CACNG2: variants seen among roughly 807,000 people sequenced by gnomAD.
CACNG2 encodes voltage-dependent calcium channel gamma-2 subunit.
Under a neutral mutation model 25.9 loss-of-function variants are expected in CACNG2, and 3 were observed. That is an observed-to-expected ratio of 0.12 (90% CI 0.05 to 0.30). The LOEUF (loss-of-function observed/expected upper bound fraction) is 0.30. CACNG2 is among the 10% of genes least tolerant of loss of function. The probability of loss-of-function intolerance (pLI) is 1.00; values close to 1 mark genes in which losing one functional copy is unlikely to be tolerated. For missense variants in CACNG2, 341 were observed against 432.5 expected (o/e 0.79, Z 1.88); for synonymous variants, 167 against 173.3 (o/e 0.96, Z 0.29).
At chr22:36,657,076 T>C (rs1936718151) in intron 1 of CACNG2, among the ~76,000 whole-genome samples, 1 of 152,208 alleles carries the variant, frequency 6.6e-6, no homozygotes, top group South Asian at 2.1e-4. Context: ...GTGGAATAAA[T>C]GCAGACAGCT....
intron 2 of CACNG2, among the ~76,000 whole-genome samples, chr22:36,569,873 T>A (rs528012729): frequency 4.0e-4 from 61 of 152,222 alleles, no homozygotes; most frequent in Non-Finnish European, 7.6e-4. Context: ...GCCCTTTCCA[T>A]GTGGACATGG....
chr22:36,643,622 G>C (rs1936477157), intron 1 of CACNG2, among the ~76,000 whole-genome samples: 1 of 152,118 alleles, frequency 6.6e-6, no homozygotes, highest in Non-Finnish European at 1.5e-5. Context: ...GACTGGAGGA[G>C]AAGTAAAGAA....
At chr22:36,676,041 C>A (rs1201946924) in intron 1 of CACNG2, among the ~76,000 whole-genome samples, 2 of 152,130 alleles carry the variant, frequency 1.3e-5, no homozygotes, top group Non-Finnish European at 2.9e-5. Flanking sequence ...GATGTTTATA[C>A]CGGTCACACC....
intron 1 of CACNG2, among the ~76,000 whole-genome samples, chr22:36,687,741 C>T (rs1937219997): frequency 6.6e-6 from 1 of 152,134 alleles, no homozygotes; most frequent in South Asian, 2.1e-4. Flanking sequence ...ACGTGGTAAT[C>T]CCCAGGGCCC....
chr22:36,571,942 A>T (rs1935236886), intron 2 of CACNG2, among the ~76,000 whole-genome samples: 1 of 152,160 alleles, frequency 6.6e-6, no homozygotes, highest in Non-Finnish European at 1.5e-5. Context: ...TCACACTAGA[A>T]GTTGCACAGT....
At chr22:36,701,143 C>A (rs897256107) in intron 1 of CACNG2, among the ~76,000 whole-genome samples, 2 of 152,136 alleles carry the variant, frequency 1.3e-5, no homozygotes, top group Admixed American at 6.6e-5. Context: ...CCTTGCTTCC[C>A]GACGCTGCCT....
At chr22:36,581,134 C>T (rs1282747983) in intron 2 of CACNG2, among the ~76,000 whole-genome samples, 1 of 152,206 alleles carries the variant, frequency 6.6e-6, no homozygotes, top group Non-Finnish European at 1.5e-5. Flanking sequence ...ACAGCAGACA[C>T]ATTCGATGGG....
At chr22:36,663,350 A>C (rs942674131) in intron 1 of CACNG2, among the ~76,000 whole-genome samples, 1 of 152,150 alleles carries the variant, frequency 6.6e-6, no homozygotes, top group African/African-American at 2.4e-5. Flanking sequence ...GGGTACTTCG[A>C]GGAAAGGGCC....
chr22:36,608,839 C>T (rs1935881552), intron 1 of CACNG2, among the ~76,000 whole-genome samples: 1 of 152,100 alleles, frequency 6.6e-6, no homozygotes, highest in South Asian at 2.1e-4. Context: ...AGTTAATCTA[C>T]ATGTGAGCTC....
intron 1 of CACNG2, among the ~76,000 whole-genome samples, chr22:36,665,563 C>T (rs1300349526): frequency 2.6e-5 from 4 of 152,188 alleles, no homozygotes; most frequent in Non-Finnish European, 4.4e-5. Flanking sequence ...CTTGAACAGA[C>T]ATTTTTCCAA....
chr22:36,620,747 C>T (rs1260565673), intron 1 of CACNG2, among the ~76,000 whole-genome samples: 1 of 152,204 alleles, frequency 6.6e-6, no homozygotes, highest in Admixed American at 6.5e-5. Flanking sequence ...CGGGGCCTTG[C>T]GTCAGAGCAT....
At chr22:36,603,681 T>A (rs1935788608) in intron 1 of CACNG2, among the ~76,000 whole-genome samples, 1 of 152,214 alleles carries the variant, frequency 6.6e-6, no homozygotes, top group Non-Finnish European at 1.5e-5. Context: ...ACTCTACCTG[T>A]GCTCTATAAA....
chr22:36,592,775 C>T (rs1033955533), intron 1 of CACNG2, among the ~76,000 whole-genome samples: 2 of 152,176 alleles, frequency 1.3e-5, no homozygotes, highest in African/African-American at 4.8e-5. Context: ...GAGTAAGGGT[C>T]ATTCCACCTC....
intron 1 of CACNG2, among the ~76,000 whole-genome samples, chr22:36,646,081 A>G (rs1424440099): frequency 1.3e-5 from 2 of 152,250 alleles, no homozygotes; most frequent in African/African-American, 4.8e-5. Flanking sequence ...CCCAAAAGCT[A>G]TAGAAAATAT....
intron 1 of CACNG2, among the ~76,000 whole-genome samples, chr22:36,688,277 C>T (rs2146011097): frequency 6.6e-6 from 1 of 152,188 alleles, no homozygotes; most frequent in Admixed American, 6.5e-5. Flanking sequence ...GGTGCAGTGG[C>T]TCACGCCCTG....
chr22:36,592,936 G>A (rs1254208475), intron 1 of CACNG2, among the ~76,000 whole-genome samples: 1 of 152,216 alleles, frequency 6.6e-6, no homozygotes, highest in East Asian at 1.9e-4. Flanking sequence ...GGGCAGTGGT[G>A]TGCGCCCAGC....
At chr22:36,623,011 G>GT (rs1569032646) in intron 1 of CACNG2, among the ~76,000 whole-genome samples, 1 of 93,224 alleles carries the variant, frequency 1.1e-5, no homozygotes, top group African/African-American at 4.4e-5. Flanking sequence ...TCAAAACATG[G>GT]GTTTTTTTTT....
At chr22:36,693,144 TA>T (rs903994277) in intron 1 of CACNG2, among the ~76,000 whole-genome samples, 31 of 151,686 alleles carry the variant, frequency 2.0e-4, no homozygotes, top group African/African-American at 7.3e-4. Context: ...AGACTCTGTC[TA>T]AAAAAAAGAA....
Position 36,564,860 on chromosome 22 carries a change from C to G in CACNG2, c.463G>C (p.Val155Leu). 1.9e-6 allele frequency: 3 copies of G among 1,613,736 alleles called. No homozygotes were observed. The highest frequency in any genetic ancestry group is 2.5e-6 in the Non-Finnish European group (3 of 1,180,012). The change falls in exon 4 of 4, where the codon GTG becomes CTG. Residue 155 changes from valine (V) to leucine (L), a missense_variant. Physicochemically the swap from Val to Leu is conservative, Grantham distance 32. Coordinates refer to ENST00000300105, the MANE Select transcript of CACNG2 (RefSeq NM_006078.5). This position sits in a 1 kb window ranked among gnomAD's most constrained non-coding sequence, Gnocchi z 6.7. Reference sequence around the variant, plus strand: ...TCTCCGGCATTGGCAGATATGTACACTATGATGCCAATGATGTTACTCAGA... The same window carrying G: ...TCTCCGGCATTGGCAGATATGTACAGTATGATGCCAATGATGTTACTCAGA... Reference protein sequence around the residue: ...AGLSNIIGIIVYISANAGDPS... With the variant: ...AGLSNIIGIILYISANAGDPS...
Sources: allele counts gnomAD v4.1 joint callset (sites outside exome capture counted in the v4.1 genomes callset), GRCh38; gene constraint gnomAD v4.1.1; non-coding constraint Gnocchi (gnomAD v3.1); transcripts MANE v1.5; gene names NCBI Gene and HGNC (gene_info 2026-07-23, HGNC 2026-07-21).